SNTB2: variants seen among roughly 807,000 people sequenced by gnomAD.
The protein encoded by SNTB2 is beta-2-syntrophin.
SNTB2 carries 34 observed loss-of-function variants against 46.2 expected under a neutral mutation model. That is an observed-to-expected ratio of 0.74 (90% CI 0.56 to 0.98). The LOEUF (loss-of-function observed/expected upper bound fraction) is 0.98, where lower values mean the gene tolerates loss of function less well. Among genes scored for constraint, SNTB2 ranks in the 50% least tolerant of loss-of-function variants. The pLI, the probability that SNTB2 is intolerant of heterozygous loss-of-function variation, is 0.00. For synonymous variants in SNTB2, 290 were observed against 312.6 expected (o/e 0.93, Z 0.76); for missense variants, 603 against 731.4 (o/e 0.82, Z 2.02).
rs1484739831 is a variant in SNTB2, at chr16:69,306,204, A to G, written c.*5280A>G. 2.6e-5 allele frequency: 4 copies of G among 152,178 alleles called. No individual in the cohort carries two copies. Among genetic ancestry groups the G allele is most frequent in the Admixed American group, 2.6e-4 (4 of 15,278 alleles). 9.4% of individuals were successfully genotyped at this position (152,178 alleles called of 1,614,324 possible). A position where few individuals can be genotyped will look rare whatever the true frequency, so the allele number is the denominator to read the frequency against. On this transcript the variant is annotated 3_prime_UTR_variant, in exon 7 of 7. Coordinates refer to ENST00000336278, the MANE Select transcript of SNTB2 (RefSeq NM_006750.4). ...AAGTTAAGGATAAGGCACAATAAAT[A>G]GGCACATAGAGGACATCTGTTTTTG...
At chr16:69,298,493 C>T (rs1965247560) in intron 5 of SNTB2, among the ~76,000 whole-genome samples, 1 of 149,552 alleles carries the variant, frequency 6.7e-6, no homozygotes, top group Non-Finnish European at 1.5e-5. Context: ...TCCTCCCTGC[C>T]TGTCCAGTTT....
intron 1 of SNTB2, among the ~76,000 whole-genome samples, chr16:69,212,106 A>G (rs1964294283): frequency 6.6e-6 from 1 of 152,054 alleles, no homozygotes; most frequent in Non-Finnish European, 1.5e-5. Context: ...CCTACACTCT[A>G]GCCTTTCCTA....
At chr16:69,265,008 G>A (rs1263639448) in intron 3 of SNTB2, among the ~76,000 whole-genome samples, 1 of 152,064 alleles carries the variant, frequency 6.6e-6, no homozygotes, top group African/African-American at 2.4e-5. Flanking sequence ...CCAGCACTTT[G>A]GGAGGCCGAG....
chr16:69,201,125 C>T (rs765466656), intron 1 of SNTB2, among the ~76,000 whole-genome samples: 1 of 152,194 alleles, frequency 6.6e-6, no homozygotes, highest in African/African-American at 2.4e-5. Context: ...CATAGGAAAA[C>T]AGCATCCTGG....
chr16:69,215,679 A>G (rs1964339885), intron 1 of SNTB2, among the ~76,000 whole-genome samples: 1 of 152,202 alleles, frequency 6.6e-6, no homozygotes, highest in African/African-American at 2.4e-5. Flanking sequence ...ACAGGTTCAT[A>G]TATTTAAGAA....
At chr16:69,199,358 A>T (rs1481898597) in intron 1 of SNTB2, among the ~76,000 whole-genome samples, 1 of 152,120 alleles carries the variant, frequency 6.6e-6, no homozygotes, top group Non-Finnish European at 1.5e-5. Flanking sequence ...AGATTTGCAG[A>T]TAAATCGGCT....
chr16:69,221,840 G>A (rs1426055298), intron 1 of SNTB2, among the ~76,000 whole-genome samples: 1 of 152,108 alleles, frequency 6.6e-6, no homozygotes, highest in Non-Finnish European at 1.5e-5. Context: ...GTGTATCAAG[G>A]GCTTGAATTC....
At chr16:69,266,364 AAAAAC>A (rs370954082) in intron 3 of SNTB2, among the ~76,000 whole-genome samples, 49 of 152,304 alleles carry the variant, frequency 3.2e-4, no homozygotes, top group South Asian at 1.9e-3. Flanking sequence ...AGTCTATTGT[AAAAAC>A]AAAACAAAAC....
At chr16:69,250,916 C>A (rs563851216) in intron 2 of SNTB2, among the ~76,000 whole-genome samples, 1 of 151,520 alleles carries the variant, frequency 6.6e-6, no homozygotes, top group Non-Finnish European at 1.5e-5. Flanking sequence ...AATAAAATAA[C>A]TTGGAGCTCA....
At position 69,304,477 on chromosome 16, in the gene SNTB2, T is replaced by C. The variant is rs1473402613; in HGVS notation, c.*3553T>C. On this transcript the variant is annotated 3_prime_UTR_variant, in exon 7 of 7. Transcript: ENST00000336278. ...TCACAAACTTTGTTACTCAAAATTA[T>C]TGCATGGCAGGAGAGATTGGATTAT... 1 of 152,658 alleles carries C rather than the reference T, an allele frequency of 6.6e-6. No homozygotes were observed. Among genetic ancestry groups the C allele is most frequent in the African/African-American group, 2.4e-5 (1 of 41,470 alleles). 9.5% of individuals were successfully genotyped at this position (152,658 alleles called of 1,614,324 possible).
chr16:69,206,697 G>C (rs1024311049), intron 1 of SNTB2, among the ~76,000 whole-genome samples: 1 of 112,638 alleles, frequency 8.9e-6, no homozygotes, highest in African/African-American at 3.3e-5. Context: ...ATCTCAGAAA[G>C]AAAAAAAAAA....
At chr16:69,273,041 C>T (rs1964953447) in intron 4 of SNTB2, among the ~76,000 whole-genome samples, 1 of 152,220 alleles carries the variant, frequency 6.6e-6, no homozygotes, top group African/African-American at 2.4e-5. Context: ...GATATCATTT[C>T]CCACCCACTG....
intron 3 of SNTB2, among the ~76,000 whole-genome samples, chr16:69,261,152 C>G (rs1964830714): frequency 6.6e-6 from 1 of 151,876 alleles, no homozygotes; most frequent in Non-Finnish European, 1.5e-5. Context: ...GTTTTGAATC[C>G]TAGTTGTGTG....
chr16:69,292,383 ATATATAT>A (rs1395020266), intron 5 of SNTB2, among the ~76,000 whole-genome samples: 8 of 16,540 alleles, frequency 4.8e-4, no homozygotes, highest in Admixed American at 1.1e-3. Flanking sequence ...TATATATTAT[ATATATAT>A]TATATATATA....
At chr16:69,239,119 G>A (rs1485364552) in intron 1 of SNTB2, among the ~76,000 whole-genome samples, 2 of 151,980 alleles carry the variant, frequency 1.3e-5, no homozygotes, top group African/African-American at 4.8e-5. Context: ...CTGTCTCCCT[G>A]GCTGGAATGT....
chr16:69,245,527 A>G, intron 1 of SNTB2, 75 bp from the exon 2 acceptor site: 2 of 1,363,982 alleles, frequency 1.5e-6, no homozygotes, highest in South Asian at 1.2e-5. Flanking sequence ...TATAGCATGT[A>G]TGTGAATACT....
intron 1 of SNTB2, among the ~76,000 whole-genome samples, chr16:69,226,310 A>T (rs1567402233): frequency 6.6e-6 from 1 of 151,594 alleles, no homozygotes; most frequent in African/African-American, 2.4e-5. Context: ...ACCTTAGGTG[A>T]TCTGTCTGCC....
At chr16:69,288,233 T>G (rs923339971) in intron 5 of SNTB2, among the ~76,000 whole-genome samples, 1 of 152,180 alleles carries the variant, frequency 6.6e-6, no homozygotes, top group African/African-American at 2.4e-5. Flanking sequence ...ACTTGGATTT[T>G]CAGCATTTTT....
At chr16:69,214,805 A>G (rs1046686556) in intron 1 of SNTB2, among the ~76,000 whole-genome samples, 1 of 150,812 alleles carries the variant, frequency 6.6e-6, no homozygotes, top group East Asian at 2.0e-4. Flanking sequence ...GGGATTACAG[A>G]CGTGAGCCAC....
Sources: allele counts gnomAD v4.1 joint callset (sites outside exome capture counted in the v4.1 genomes callset), GRCh38; gene constraint gnomAD v4.1.1; transcripts MANE v1.5; gene names NCBI Gene and HGNC (gene_info 2026-07-23, HGNC 2026-07-21).